Variants in INSR observed in about 807,000 individuals in gnomAD.
INSR encodes the protein IR.
In INSR, 67 loss-of-function variants were observed where a neutral mutation model predicts 142.6. That is an observed-to-expected ratio of 0.47 (90% CI 0.39 to 0.58). INSR has a LOEUF of 0.58. Ranked by LOEUF, INSR falls within the 20% of genes least tolerant of loss-of-function variation. INSR has a pLI of 0.00. For missense variants in INSR, 1,248 were observed against 1,833.2 expected, an observed-to-expected ratio of 0.68 and a Z score of 5.83; for synonymous variants, 756 against 743.1, an observed-to-expected ratio of 1.02 and a Z score of -0.28.
At chr19:7,137,659 G>A (rs1232887167) in intron 13 of INSR, among the ~76,000 whole-genome samples, 1 of 151,762 alleles carries the variant, frequency 6.6e-6, no homozygotes, top group Non-Finnish European at 1.5e-5. Context: ...GTGGTCGTGG[G>A]TGCCTGTAAT....
At chr19:7,212,217 G>T (rs1975296885) in intron 2 of INSR, among the ~76,000 whole-genome samples, 1 of 152,054 alleles carries the variant, frequency 6.6e-6, no homozygotes, top group Non-Finnish European at 1.5e-5. Context: ...CGAGACTCTT[G>T]CCAGAGCCAG....
At chr19:7,229,330 ATAGATGGATG>A (rs1975894142) in intron 2 of INSR, among the ~76,000 whole-genome samples, 6 of 67,036 alleles carry the variant, frequency 9.0e-5, no homozygotes, top group African/African-American at 3.0e-4. Flanking sequence ...GGATGGATGG[ATAGATGGATG>A]GATGGATGGA....
chr19:7,205,665 G>C (rs1173274434), intron 2 of INSR, among the ~76,000 whole-genome samples: 5 of 152,132 alleles, frequency 3.3e-5, no homozygotes, highest in African/African-American at 9.7e-5. Flanking sequence ...CTGAGGTCAG[G>C]AGTTCAAGAC....
intron 2 of INSR, among the ~76,000 whole-genome samples, chr19:7,254,681 A>G (rs1211432932): frequency 6.6e-6 from 1 of 152,226 alleles, no homozygotes; most frequent in Non-Finnish European, 1.5e-5. Flanking sequence ...AGGCGCATTG[A>G]GAGAAACAGA....
intron 21 of INSR, among the ~76,000 whole-genome samples, chr19:7,118,777 C>T (rs1207416646): frequency 6.7e-6 from 1 of 150,118 alleles, no homozygotes; most frequent in East Asian, 2.0e-4. Context: ...TAGCCAGGCG[C>T]GGTGGTGGGT....
rs13306458 is a variant in INSR at position 7,174,562 on chromosome 19, C to T, written c.1123+21G>A. 8,998 of 1,613,198 alleles carry T rather than the reference C, an allele frequency of 5.6e-3. 357 individuals are homozygous for T. The African/African-American group carries it at 0.097, about 17-fold the overall frequency. Reference sequence around the variant, plus strand: ...CATGGAGCCCAACAGGCACCCCCGACGCCCACACAGAGACACTCACTGCCT... The same window carrying T: ...CATGGAGCCCAACAGGCACCCCCGATGCCCACACAGAGACACTCACTGCCT... On this transcript the variant is annotated intron_variant, in intron 4 of 21. Transcript: ENST00000302850.
intron 20 of INSR, 40 bp downstream of exon 20, chr19:7,120,580 T>G: frequency 6.2e-7 from 1 of 1,613,002 alleles, no homozygotes; most frequent in Non-Finnish European, 8.5e-7. Flanking sequence ...CACCTGGAAT[T>G]CAAGCCCAGC....
chr19:7,213,861 C>T (rs559789545), intron 2 of INSR, among the ~76,000 whole-genome samples: 7 of 152,066 alleles, frequency 4.6e-5, no homozygotes, highest in African/African-American at 1.4e-4. Flanking sequence ...TGGTGGTGCA[C>T]GCCTGCAATC....
intron 2 of INSR, among the ~76,000 whole-genome samples, chr19:7,240,503 A>G (rs561171259): frequency 6.6e-6 from 1 of 152,336 alleles, no homozygotes; most frequent in South Asian, 2.1e-4. Context: ...GGCAAGGCGG[A>G]GGTTGCAGTA....
intron 2 of INSR, among the ~76,000 whole-genome samples, chr19:7,186,995 G>A (rs572302092): frequency 6.0e-4 from 91 of 151,442 alleles, no homozygotes; most frequent in Non-Finnish European, 1.0e-3. Context: ...GAGCCACTGC[G>A]CCCGACATCC....
At chr19:7,268,936 C>A (rs1161158984) in intron 1 of INSR, among the ~76,000 whole-genome samples, 1 of 151,870 alleles carries the variant, frequency 6.6e-6, no homozygotes, top group East Asian at 1.9e-4. Flanking sequence ...CCTTGGCACA[C>A]CTATTTGCGT....
intron 5 of INSR, 111 bp downstream of exon 5, chr19:7,172,179 T>G (rs949606673): frequency 9.3e-6 from 11 of 1,181,834 alleles, no homozygotes; most frequent in Non-Finnish European, 1.4e-5. Context: ...CCTAAAATGC[T>G]GGGATTACAG....
Position 7,119,639 on chromosome 19 carries a change from CGCGCGCGCGCAA to C in INSR, c.3660-68_3660-57del, listed in dbSNP as rs1972428598. ...GAAGCCATTTAGACACACACACACA[CGCGCGCGCGCAA>C]ACACACACACGCAAACGCACACACA... On this transcript the variant is annotated intron_variant, in intron 20 of 21. Coordinates refer to ENST00000302850, the MANE Select transcript of INSR (RefSeq NM_000208.4). The surrounding 1 kb of genome is among the most constrained non-coding windows in gnomAD (Gnocchi z 5.2). 3.0e-5 allele frequency: 48 copies of C among 1,585,686 alleles called. No individual in the cohort carries two copies. The highest frequency in any genetic ancestry group is 7.8e-5 in the South Asian group (7 of 89,724).
intron 2 of INSR, among the ~76,000 whole-genome samples, chr19:7,198,742 C>G (rs888265107): frequency 6.6e-6 from 1 of 152,238 alleles, no homozygotes; most frequent in Non-Finnish European, 1.5e-5. Context: ...TAAATACATT[C>G]TTAAAATCCA....
chr19:7,191,350 G>T (rs910649075), intron 2 of INSR, among the ~76,000 whole-genome samples: 1 of 148,820 alleles, frequency 6.7e-6, no homozygotes, highest in Admixed American at 6.7e-5. Flanking sequence ...AAAGAAAGGA[G>T]GGAGGGAGGG....
chr19:7,289,809 T>G (rs1481203009), intron 1 of INSR, among the ~76,000 whole-genome samples: 1 of 152,146 alleles, frequency 6.6e-6, no homozygotes, highest in Non-Finnish European at 1.5e-5. Flanking sequence ...TGGCAATGTC[T>G]GGAGACATTA....
At chr19:7,162,349 A>AAG (rs1342710476) in intron 9 of INSR, among the ~76,000 whole-genome samples, 5 of 136,138 alleles carry the variant, frequency 3.7e-5, no homozygotes, top group Non-Finnish European at 7.9e-5. Flanking sequence ...AAAAAAAAAA[A>AAG]TTACCTGGGC....
intron 1 of INSR, among the ~76,000 whole-genome samples, chr19:7,288,710 C>T (rs1429655815): frequency 1.3e-5 from 2 of 148,760 alleles, no homozygotes; most frequent in Non-Finnish European, 3.0e-5. Context: ...TGCCCGTAAT[C>T]CCAGCACTCT....
At chr19:7,199,353 GGTGTGGT>G (rs538487011) in intron 2 of INSR, among the ~76,000 whole-genome samples, 1 of 151,956 alleles carries the variant, frequency 6.6e-6, no homozygotes, top group African/African-American at 2.4e-5. Context: ...ACCAGGAGAG[GGTGTGGT>G]ATGGAGTTTG....
Sources: gnomAD v4.1 joint callset for allele counts (sites outside exome capture counted in the v4.1 genomes callset) on GRCh38, gnomAD v4.1.1 for gene constraint, Gnocchi (gnomAD v3.1) non-coding constraint, MANE v1.5 for transcripts, NCBI Gene and HGNC (gene_info 2026-07-23, HGNC 2026-07-21) for gene names.